BATF3: variants seen among roughly 807,000 people sequenced by gnomAD.
The protein encoded by BATF3 is basic leucine zipper ATF-like transcription factor 3.
BATF3 carries 8 observed loss-of-function variants against 16.1 expected under a neutral mutation model. The ratio of observed to expected loss-of-function variants is 0.50; its 90% CI spans 0.29 to 0.90. The LOEUF is 0.90. Ranked by LOEUF, BATF3 falls within the 40% of genes least tolerant of loss-of-function variation. BATF3 has a pLI of 0.08. For missense variants in BATF3, 139 were observed against 167.0 expected (o/e 0.83, Z 0.92); for synonymous variants, 74 against 72.7 (o/e 1.02, Z -0.09).
In BATF3 at chr1:212,686,718, G is replaced by A; in HGVS notation, c.*73C>T. The A allele has an allele frequency of 6.6e-7, 1 of 1,517,496 alleles. No individual in the cohort carries two copies. Among genetic ancestry groups the A allele is most frequent in the Non-Finnish European group, 8.8e-7 (1 of 1,132,890 alleles). The allele number at this position is 1,517,496 out of a possible 1,614,324, so 94.0% of individuals were successfully genotyped here. On this transcript the variant is annotated 3_prime_UTR_variant, in exon 3 of 3. Transcript: ENST00000243440. ...CCACAGGTGCCCCCTGTATACAATTGTGAAGGAAAAGCCTTCCTCCCAGGT... is the reference window on the plus strand; with the variant it reads ...CCACAGGTGCCCCCTGTATACAATTATGAAGGAAAAGCCTTCCTCCCAGGT...
At chr1:212,687,901 T>C (rs1656885720) in intron 2 of BATF3, among the ~76,000 whole-genome samples, 1 of 148,614 alleles carries the variant, frequency 6.7e-6, no homozygotes, top group African/African-American at 2.5e-5. Context: ...CACTCCAGCC[T>C]GGGTAACAGA....
rs1392488424 is a variant in BATF3, at chr1:212,699,593, C to A, written c.90+80G>T. 5.1e-6 allele frequency: 6 copies of A among 1,169,452 alleles called. No homozygotes were observed. The African/African-American group carries it at 9.6e-5, about 19-fold the overall frequency. 72.4% of individuals were successfully genotyped at this position (1,169,452 alleles called of 1,614,324 possible). A position where few individuals can be genotyped will look rare whatever the true frequency, so the allele number is the denominator to read the frequency against. On this transcript the variant is annotated intron_variant, in intron 1 of 2. Transcript: ENST00000243440. The surrounding 1 kb of genome is among the most constrained non-coding windows in gnomAD (Gnocchi z 4.4). ...CACCTCCGCAGTCACCACCACGGAA[C>A]TCCAGCACCCACCTCCTCGCCCCCC...
chr1:212,692,430 G>A (rs1414908003), intron 2 of BATF3, among the ~76,000 whole-genome samples: 2 of 152,148 alleles, frequency 1.3e-5, no homozygotes, highest in Non-Finnish European at 1.5e-5. Context: ...TCAAGTATAG[G>A]TAGAGTATGT....
intron 2 of BATF3, among the ~76,000 whole-genome samples, chr1:212,687,315 C>A (rs962991423): frequency 1.3e-5 from 2 of 152,224 alleles, no homozygotes; most frequent in African/African-American, 4.8e-5. Flanking sequence ...GTTAGTCCCC[C>A]CAAATGCTGA....
At chr1:212,690,727 T>C (rs1005916505) in intron 2 of BATF3, among the ~76,000 whole-genome samples, 4 of 152,222 alleles carry the variant, frequency 2.6e-5, no homozygotes, top group Non-Finnish European at 4.4e-5. Context: ...TCTGCCAAGT[T>C]CCAAATCCTT....
intron 1 of BATF3, chr1:212,698,567 C>T (rs907885042): frequency 6.6e-6 from 1 of 151,822 alleles, no homozygotes; most frequent in Non-Finnish European, 1.5e-5. Flanking sequence ...CAAGAAGTTA[C>T]CTGCCTTTGT....
In BATF3 at chr1:212,686,548, T is replaced by C; in HGVS notation, c.*243A>G. ...CAGCAGAACCTACTAGCTGCCAGGG[T>C]GGATGAGAAGTCACTCCTGAGGGTG... On this transcript the variant is annotated 3_prime_UTR_variant, in exon 3 of 3. Transcript: ENST00000243440. 1 of 525,336 alleles carries C rather than the reference T, an allele frequency of 1.9e-6. No individual in the cohort carries two copies. Among genetic ancestry groups the C allele is most frequent in the South Asian group, 3.6e-5 (1 of 28,018 alleles). 32.5% of individuals were successfully genotyped at this position (525,336 alleles called of 1,614,324 possible).
At chr1:212,698,833 G>A (rs778283538) in intron 1 of BATF3, 5 of 152,220 alleles carry the variant, frequency 3.3e-5, no homozygotes, top group Non-Finnish European at 7.3e-5. Flanking sequence ...CAAAAATCCT[G>A]AGAGGTTGAT....
chr1:212,686,717 T>C lies in BATF3; in HGVS notation c.*74A>G. 3 of 1,515,776 alleles carry C rather than the reference T, an allele frequency of 2.0e-6. No individual in the cohort carries two copies. Among genetic ancestry groups the C allele is most frequent in the Non-Finnish European group, 2.6e-6 (3 of 1,132,094 alleles). 93.9% of individuals were successfully genotyped at this position (1,515,776 alleles called of 1,614,324 possible). A position where few individuals can be genotyped will look rare whatever the true frequency, so the allele number is the denominator to read the frequency against. Reference sequence around the variant, plus strand: ...GCCACAGGTGCCCCCTGTATACAATTGTGAAGGAAAAGCCTTCCTCCCAGG... The same window carrying C: ...GCCACAGGTGCCCCCTGTATACAATCGTGAAGGAAAAGCCTTCCTCCCAGG... On this transcript the variant is annotated 3_prime_UTR_variant, in exon 3 of 3. Transcript: ENST00000243440.
chr1:212,699,754 T>G lies in BATF3; in HGVS notation c.9A>C (p.Gln3His). 7.8e-7 allele frequency: 1 copy of G among 1,280,798 alleles called. No homozygotes were observed. The highest frequency in any genetic ancestry group is 3.7e-5 in the Admixed American group (1 of 26,694). 79.3% of individuals were successfully genotyped at this position (1,280,798 alleles called of 1,614,324 possible). The change falls in exon 1 of 3, where the codon CAA becomes CAC. Residue 3 changes from glutamine (Q) to histidine (H), a missense_variant. Transcript: ENST00000243440. This position sits in a 1 kb window ranked among gnomAD's most constrained non-coding sequence, Gnocchi z 4.4. MS[Q>H]GLPAAGSVLQ... Reference sequence around the variant, plus strand: ...GGACGCTGCCGGCGGCCGGGAGCCCTTGCGACATGCCGGGCGCTCCTCTGG... The same window carrying G: ...GGACGCTGCCGGCGGCCGGGAGCCCGTGCGACATGCCGGGCGCTCCTCTGG...
chr1:212,690,961 G>A (rs891747118), intron 2 of BATF3, among the ~76,000 whole-genome samples: 2 of 152,172 alleles, frequency 1.3e-5, no homozygotes, highest in African/African-American at 2.4e-5. Context: ...GCAGCTGGTC[G>A]GGGGTGCTAC....
At position 212,690,183 on chromosome 1, in the gene BATF3, C is replaced by T. The variant is rs542691839; in HGVS notation, c.196-3204G>A. Among the ~76,000 whole-genome samples the T allele has an allele frequency of 7.9e-5, 12 of 152,338 alleles. No homozygotes were observed. The South Asian group carries it at 2.5e-3, about 32-fold the overall frequency. ...ATGTGCTAACATTTTAAGTAGATTC[C>T]AAAGGACAAGAAGCCCTCTTCCTTT... On this transcript the variant is annotated intron_variant, in intron 2 of 2. Coordinates refer to ENST00000243440, the MANE Select transcript of BATF3 (RefSeq NM_018664.3).
In BATF3 at chr1:212,686,570, G is replaced by A. The variant is rs1558018542; in HGVS notation, c.*221C>T. 4.8e-6 allele frequency: 3 copies of A among 619,488 alleles called. No individual in the cohort carries two copies. Among genetic ancestry groups the A allele is most frequent in the African/African-American group, 3.7e-5 (2 of 54,774 alleles). The allele number at this position is 619,488 out of a possible 1,614,324, so 38.4% of individuals were successfully genotyped here. The stretch of plus-strand genomic sequence containing the variant: ...GGGTGGATGAGAAGTCACTCCTGAG[G>A]GTGGCCTCCATGCTGGATCTGCACA... On this transcript the variant is annotated 3_prime_UTR_variant, in exon 3 of 3. Transcript: ENST00000243440.
At chr1:212,687,967 AAAAG>A (rs796615441) in intron 2 of BATF3, among the ~76,000 whole-genome samples, 44 of 99,716 alleles carry the variant, frequency 4.4e-4, no homozygotes, top group African/African-American at 1.2e-3. Context: ...GAAAGAAAAA[AAAAG>A]AAAGAAAGAA....
chr1:212,687,484 C>T (rs1315269161), intron 2 of BATF3: 1 of 161,622 alleles, frequency 6.2e-6, no homozygotes, highest in Non-Finnish European at 1.4e-5. Flanking sequence ...GTTTCCTCTC[C>T]ATCAGGGTTT....
intron 2 of BATF3, among the ~76,000 whole-genome samples, chr1:212,691,271 T>C (rs1460224386): frequency 2.0e-5 from 3 of 152,122 alleles, no homozygotes; most frequent in Non-Finnish European, 2.9e-5. Flanking sequence ...CAGGAGGCCA[T>C]AGCCACACAC....
At chr1:212,690,528 T>G (rs1425751359) in intron 2 of BATF3, among the ~76,000 whole-genome samples, 1 of 152,112 alleles carries the variant, frequency 6.6e-6, no homozygotes, top group Non-Finnish European at 1.5e-5. Flanking sequence ...GACGAGCCCT[T>G]TGAAAATAAC....
chr1:212,699,684 G>A lies in BATF3; in HGVS notation c.79C>T (p.Pro27Ser). 1 of 1,346,032 alleles carries A rather than the reference G, an allele frequency of 7.4e-7. No individual in the cohort carries two copies. Among genetic ancestry groups the A allele is most frequent in the East Asian group, 3.1e-5 (1 of 32,104 alleles). The allele number at this position is 1,346,032 out of a possible 1,614,324, so 83.4% of individuals were successfully genotyped here. The change falls in exon 1 of 3, where the codon CCG (proline) becomes TCG (serine). Residue 27 changes from proline (P) to serine (S), a missense_variant. Transcript: ENST00000243440. The surrounding 1 kb of genome is among the most constrained non-coding windows in gnomAD (Gnocchi z 4.4). ...AAPGNQPQPQ[P>S]QQQSPEDDDR... ...CTCTCGCCCTCTACCTGCTGCTGCG[G>A]CTGCGGCTGCGGCTGGTTCCCGGGC...
At chr1:212,688,190 G>A (rs866659313) in intron 2 of BATF3, among the ~76,000 whole-genome samples, 1 of 151,696 alleles carries the variant, frequency 6.6e-6, no homozygotes, top group Non-Finnish European at 1.5e-5. Flanking sequence ...TTTCAATATC[G>A]CAGTTCTTGA....
Sources: gnomAD v4.1 joint callset for allele counts (sites outside exome capture counted in the v4.1 genomes callset) on GRCh38, gnomAD v4.1.1 for gene constraint, Gnocchi (gnomAD v3.1) non-coding constraint, MANE v1.5 for transcripts, NCBI Gene and HGNC (gene_info 2026-07-23, HGNC 2026-07-21) for gene names.